TGM4: variants seen among roughly 807,000 people sequenced by gnomAD.
TGM4 encodes the protein protein-glutamine gamma-glutamyltransferase 4.
In TGM4, 61 loss-of-function variants were observed where a neutral mutation model predicts 76.3. The ratio of observed to expected loss-of-function variants is 0.80; its 90% CI spans 0.65 to 0.99. The LOEUF (loss-of-function observed/expected upper bound fraction) is 0.99. Ranked by LOEUF, TGM4 falls within the 50% of genes least tolerant of loss-of-function variation. The pLI, the probability that TGM4 is intolerant of heterozygous loss-of-function variation, is 0.00. For synonymous variants in TGM4, 337 were observed against 329.8 expected, an observed-to-expected ratio of 1.02 and a Z score of -0.24; for missense variants, 794 against 843.2, an observed-to-expected ratio of 0.94 and a Z score of 0.72.
rs534674364 is a variant in TGM4, at chr3:44,903,946, G to A, written c.1034G>A (p.Gly345Asp). 1 of 1,614,166 alleles carries A rather than the reference G, an allele frequency of 6.2e-7. No homozygotes were observed. Among genetic ancestry groups the A allele is most frequent in the Admixed American group, 1.7e-5 (1 of 60,030 alleles). ...CCGGATCTGCCCAAGGGCTACGACG[G>A]CTGGCAGGCTGTGGACGCAACGCCG... The part of the protein sequence containing the change: ...KRPDLPKGYD[G>D]WQAVDATPQE... The change falls in exon 9 of 14, where the codon GGC becomes GAC. Residue 345 changes from glycine (G) to aspartate (D), a missense_variant. Coordinates refer to ENST00000296125, the MANE Select transcript of TGM4 (RefSeq NM_003241.4).
chr3:44,894,031 CTTG>C, intron 5 of TGM4, among the ~76,000 whole-genome samples: 2 of 72,518 alleles, frequency 2.8e-5, no homozygotes, highest in Non-Finnish European at 5.4e-5. Context: ...TCCCACCCCC[CTTG>C]ACTCTCTCCC....
At position 44,913,977 on chromosome 3, in the gene TGM4, G is replaced by A; in HGVS notation, c.*252G>A. On this transcript the variant is annotated 3_prime_UTR_variant, in exon 14 of 14. Transcript: ENST00000296125. ...GAATCCCATCCCTTTCCTGAGTCAT[G>A]GCCTCAAAAATCAGGGCCACCATTG... is the stretch of plus-strand genomic sequence containing the variant. The A allele has an allele frequency of 7.4e-6, 3 of 404,484 alleles. No homozygotes were observed. The highest frequency in any genetic ancestry group is 8.9e-5 in the South Asian group (2 of 22,588). The allele number at this position is 404,484 out of a possible 1,614,324, so 25.1% of individuals were successfully genotyped here.
At chr3:44,889,840 G>T (rs1015705638) in intron 3 of TGM4, among the ~76,000 whole-genome samples, 16 of 152,062 alleles carry the variant, frequency 1.1e-4, no homozygotes, top group Non-Finnish European at 2.4e-4. Flanking sequence ...TTCCCCTGAA[G>T]TTCCAGACAC....
In TGM4 at chr3:44,881,135, T is replaced by C. The variant is rs573639264; in HGVS notation, c.20-4190T>C. 5.3e-5 allele frequency among the ~76,000 whole-genome samples: 8 copies of C among 151,990 alleles called. No homozygotes were observed. In the South Asian group the frequency reaches 1.7e-3, roughly 32 times the overall value. ...GGGAGGATCCCTTGAGCTCAGGAGG[T>C]TGTGGCTGCAGTGAGCCGTGTTCAC... On this transcript the variant is annotated intron_variant, in intron 1 of 13. Transcript: ENST00000296125.
intron 4 of TGM4, 44 bp downstream of exon 4, chr3:44,890,776 G>C (rs374733866): frequency 1.9e-6 from 3 of 1,608,212 alleles, no homozygotes; most frequent in Non-Finnish European, 2.5e-6. Context: ...AGGTGACCCC[G>C]GCAAAACCTG....
chr3:44,887,762 G>T lies in TGM4; in HGVS notation c.267G>T (p.Trp89Cys). 1.2e-6 allele frequency: 2 copies of T among 1,614,184 alleles called. No homozygotes were observed. The highest frequency in any genetic ancestry group is 1.7e-6 in the Non-Finnish European group (2 of 1,180,038). The change falls in exon 3 of 14, where the codon TGG (tryptophan) becomes TGT (cysteine). Residue 89 changes from tryptophan to cysteine, a missense_variant. By Grantham distance (215) the Trp-to-Cys change is radical. Transcript: ENST00000296125. ...DPRTPSDHYN[W>C]QATLQNESGK... Reference sequence around the variant, plus strand: ...GGACGCCCTCAGACCACTACAACTGGCAGGCAACCCTTCAAAATGAGTCTG... The same window carrying T: ...GGACGCCCTCAGACCACTACAACTGTCAGGCAACCCTTCAAAATGAGTCTG...
At chr3:44,887,503 T>C (rs1371123354) in intron 2 of TGM4, among the ~76,000 whole-genome samples, 186 bp from the exon 3 acceptor site, 2 of 151,498 alleles carry the variant, frequency 1.3e-5, no homozygotes. Flanking sequence ...AACAGAAAAC[T>C]AAAACTGGAC....
intron 2 of TGM4, among the ~76,000 whole-genome samples, chr3:44,887,046 C>T (rs1306948670): frequency 2.0e-5 from 3 of 152,198 alleles, no homozygotes; most frequent in Admixed American, 6.5e-5. Context: ...AGTGCCAGGG[C>T]CCTGAGGAGA....
At position 44,914,487 on chromosome 3, in the gene TGM4, A is replaced by G. The variant is rs1355694019; in HGVS notation, c.*762A>G. 2.0e-5 allele frequency: 3 copies of G among 152,146 alleles called. No individual in the cohort carries two copies. The highest frequency in any genetic ancestry group is 4.4e-5 in the Non-Finnish European group (3 of 68,054). 9.4% of individuals were successfully genotyped at this position (152,146 alleles called of 1,614,324 possible). On this transcript the variant is annotated 3_prime_UTR_variant, in exon 14 of 14. Coordinates refer to ENST00000296125, the MANE Select transcript of TGM4 (RefSeq NM_003241.4). The stretch of plus-strand genomic sequence containing the variant: ...CTCTTTCTTTGGTATTCCATCCACT[A>G]TCCTGGCAACTCAAGGCTGCTTCTG...
chr3:44,912,479 A>G (rs757260177), intron 13 of TGM4, among the ~76,000 whole-genome samples: 3 of 152,182 alleles, frequency 2.0e-5, no homozygotes, highest in African/African-American at 7.2e-5. Flanking sequence ...CTAATATAAC[A>G]TCATACCACT....
chr3:44,890,485 C>T, intron 3 of TGM4, 118 bp from the exon 4 acceptor site: 2 of 1,436,816 alleles, frequency 1.4e-6, no homozygotes, highest in Admixed American at 4.1e-5. Context: ...TCCTTGTCTC[C>T]AGGCTGGTTC....
intron 6 of TGM4, 99 bp from the exon 7 acceptor site, chr3:44,901,425 A>G: frequency 7.3e-7 from 1 of 1,377,522 alleles, no homozygotes; most frequent in African/African-American, 1.4e-5. Context: ...CTGAGACATT[A>G]TGAGGTGTCC....
intron 10 of TGM4, among the ~76,000 whole-genome samples, chr3:44,909,376 T>C (rs1458448750): frequency 6.6e-6 from 1 of 152,240 alleles, no homozygotes; most frequent in Non-Finnish European, 1.5e-5. Flanking sequence ...GTCGGCTTCT[T>C]TTCCCCTCAA....
intron 3 of TGM4, 200 bp from the exon 4 acceptor site, chr3:44,890,403 A>G (rs1316754741): frequency 3.1e-6 from 2 of 638,414 alleles, no homozygotes; most frequent in African/African-American, 1.8e-5. Context: ...TTCATGCTGT[A>G]TGGAGCTGCT....
In TGM4 at chr3:44,910,158, C is replaced by T. The variant is rs140488025; in HGVS notation, c.1396C>T (p.Arg466Ter). 3.4e-4 allele frequency: 545 copies of T among 1,614,162 alleles called. 6 individuals are homozygous for T. The South Asian group carries it at 3.4e-3, about 10-fold the overall frequency. Residue 466 changes from arginine to a stop codon, truncating the protein, a stop_gained, in exon 11 of 14, where the codon CGA becomes TGA. Coordinates refer to ENST00000296125, the MANE Select transcript of TGM4 (RefSeq NM_003241.4). LOFTEE classifies it high-confidence loss of function. The stretch of plus-strand genomic sequence containing the variant: ...TCTCAGTTCTGAGAGGGAGCACAGA[C>T]GACCTGTAAAAGAGAACTTTCTTCA... ...LLLSSEREHR[R>*]PVKENFLHMS... is the part of the protein sequence containing the mutation.
intron 4 of TGM4, among the ~76,000 whole-genome samples, chr3:44,892,215 G>T (rs1214095065): frequency 3.3e-5 from 5 of 150,786 alleles, no homozygotes; most frequent in Admixed American, 6.6e-5. Context: ...CTGAGATCAC[G>T]CCACTGCACT....
rs1239441289 is a variant in TGM4 at position 44,882,060 on chromosome 3, T to TTTTG, written c.20-3262_20-3261insGTTT. ...CTACAAAATAAAAATACAAACGCTT[T>TTTTG]TTTTTTTTTTTTTTTTTTAGAGTTG... On this transcript the variant is annotated intron_variant, in intron 1 of 13. Transcript: ENST00000296125. Among the ~76,000 whole-genome samples, 22 of 147,828 alleles carry TTTTG rather than the reference T, an allele frequency of 1.5e-4. 1 individual carries two copies. The South Asian group carries it at 4.7e-3, about 31-fold the overall frequency.
chr3:44,903,113 A>G (rs945517181), intron 8 of TGM4, among the ~76,000 whole-genome samples: 3 of 152,362 alleles, frequency 2.0e-5, no homozygotes, highest in Non-Finnish European at 2.9e-5. Context: ...AGGTCCACTC[A>G]TAGGCAGATT....
intron 4 of TGM4, 53 bp from the exon 5 acceptor site, chr3:44,893,524 G>A: frequency 6.6e-7 from 1 of 1,515,636 alleles, no homozygotes; most frequent in East Asian, 2.3e-5. Context: ...TGGCAAGCCT[G>A]CTCCTGTCCC....
Sources: gnomAD v4.1 joint callset for allele counts (sites outside exome capture counted in the v4.1 genomes callset) on GRCh38, gnomAD v4.1.1 for gene constraint, MANE v1.5 for transcripts, NCBI Gene and HGNC (gene_info 2026-07-23, HGNC 2026-07-21) for gene names.